Variants in SFTPB observed in about 807,000 individuals in gnomAD.
SFTPB encodes pulmonary surfactant-associated protein B.
Under a neutral mutation model 51.0 loss-of-function variants are expected in SFTPB, and 32 were observed. That is an observed-to-expected ratio of 0.63 (90% confidence interval 0.47 to 0.84). The LOEUF is 0.84. Among genes scored for constraint, SFTPB ranks in the 40% least tolerant of loss-of-function variants. SFTPB has a pLI of 0.00. For synonymous variants in SFTPB, 211 were observed against 208.5 expected, an observed-to-expected ratio of 1.01 and a Z score of -0.10; for missense variants, 431 against 491.2, an observed-to-expected ratio of 0.88 and a Z score of 1.16.
At position 85,665,333 on chromosome 2, in the gene SFTPB, G is replaced by A; in HGVS notation, c.628C>T (p.Leu210Phe). 1.2e-6 allele frequency: 2 copies of A among 1,614,098 alleles called. No homozygotes were observed. The highest frequency in any genetic ancestry group is 1.1e-5 in the South Asian group (1 of 91,078). ...QFPIPLPYCW[L>F]CRALIKRIQA... is the part of the protein sequence containing the mutation. ...ATCCGCTTGATCAGAGCCCTGCAGA[G>A]CCAGCAATAGGGGAGAGGAATGGGG... is the stretch of plus-strand genomic sequence containing the variant. The change falls in exon 6 of 11, where the codon CTC (leucine) becomes TTC (phenylalanine). Residue 210 changes from leucine to phenylalanine, a missense_variant. Leu to Phe is a conservative substitution (Grantham distance 22). Coordinates refer to ENST00000519937, the MANE Select transcript of SFTPB (RefSeq NM_000542.5).
intron 8 of SFTPB, among the ~76,000 whole-genome samples, chr2:85,662,614 G>A (rs1030502498): frequency 1.3e-5 from 2 of 152,200 alleles, no homozygotes; most frequent in African/African-American, 4.8e-5. Flanking sequence ...GCCAAGGCGG[G>A]CAGATCACTT....
intron 6 of SFTPB, among the ~76,000 whole-genome samples, chr2:85,664,053 A>C (rs1677455406): frequency 6.6e-6 from 1 of 152,128 alleles, no homozygotes; most frequent in South Asian, 2.1e-4. Context: ...TGTAGGAGCC[A>C]GCTTCAGACC....
chr2:85,663,419 CCGG>C lies in SFTPB; in HGVS notation c.926_928del (p.Ala309del), dbSNP rs1239530755. 1 of 1,613,928 alleles carries C rather than the reference CCGG, an allele frequency of 6.2e-7. No homozygotes were observed. The highest frequency in any genetic ancestry group is 2.2e-5 in the East Asian group (1 of 44,898). ...TGGTATGGCCTGCTCGCTGCTGTTC[CCGG>C]CCTGGGTGGTCACGGACATGCAGAG... On this transcript the variant is annotated inframe_deletion, in exon 8 of 11. Coordinates refer to ENST00000519937, the MANE Select transcript of SFTPB (RefSeq NM_000542.5).
Position 85,666,711 on chromosome 2 carries a change from C to T in SFTPB, c.299G>A (p.Cys100Tyr). 1 of 1,613,864 alleles carries T rather than the reference C, an allele frequency of 6.2e-7. No individual in the cohort carries two copies. The highest frequency in any genetic ancestry group is 8.5e-7 in the Non-Finnish European group (1 of 1,179,872). Residue 100 changes from cysteine (C) to tyrosine (Y), a missense_variant, in exon 4 of 11, where the codon TGC becomes TAC. Coordinates refer to ENST00000519937, the MANE Select transcript of SFTPB (RefSeq NM_000542.5). The stretch of plus-strand genomic sequence containing the variant: ...GAGCAGCTTCAAGGGGAGGACGTTG[C>T]ACTCCTGCTCCAGGAACTTCCTCAT... The part of the protein sequence containing the change: ...DTMRKFLEQE[C>Y]NVLPLKLLMP...
rs757055393 is a variant in SFTPB at position 85,663,328 on chromosome 2, C to T, written c.1002+18G>A. The T allele has an allele frequency of 2.5e-6, 4 of 1,608,498 alleles. No individual in the cohort carries two copies. The highest frequency in any genetic ancestry group is 1.7e-5 in the Admixed American group (1 of 60,024). ...TGAACGGGCCCTGACCATGAGTCCC[C>T]ATGTGCCCAGCCCATACCTTTTCCC... On this transcript the variant is annotated intron_variant, in intron 8 of 10. Transcript: ENST00000519937.
rs1208020762 is a variant in SFTPB at position 85,663,426 on chromosome 2, GGGTGGTCACGGACATGCAGA to G, written c.902_921del (p.Leu301ProfsTer89). On this transcript the variant is annotated frameshift_variant, in exon 8 of 11. Coordinates refer to ENST00000519937, the MANE Select transcript of SFTPB (RefSeq NM_000542.5). LOFTEE classifies it high-confidence loss of function. ...GCCTGCTCGCTGCTGTTCCCGGCCT[GGGTGGTCACGGACATGCAGA>G]GGTGGCACTCAGAGTCTCGCGGCAG... 1 of 1,613,898 alleles carries G rather than the reference GGGTGGTCACGGACATGCAGA, an allele frequency of 6.2e-7. No homozygotes were observed. The highest frequency in any genetic ancestry group is 8.5e-7 in the Non-Finnish European group (1 of 1,180,040).
upstream of SFTPB, chr2:85,668,259 A>G (rs1677760523): frequency 7.3e-7 from 1 of 1,374,012 alleles, no homozygotes; most frequent in South Asian, 1.2e-5. Flanking sequence ...GCTCTGTAGG[A>G]GTGGCAGCGA....
chr2:85,666,196 C>T (rs1677582967), intron 4 of SFTPB, among the ~76,000 whole-genome samples: 1 of 132,712 alleles, frequency 7.5e-6, no homozygotes, highest in Non-Finnish European at 1.6e-5. Flanking sequence ...GTGTGGCCAG[C>T]TGGGGTGCTG....
intron 8 of SFTPB, among the ~76,000 whole-genome samples, chr2:85,662,840 CAAA>C (rs34015129): frequency 2.9e-4 from 8 of 27,656 alleles, no homozygotes; most frequent in African/African-American, 4.9e-4. Context: ...AACTCCATCT[CAAA>C]AAAAAAAAAA....
At chr2:85,668,048 G>A in intron 1 of SFTPB, 69 bp downstream of exon 1, 6 of 1,340,102 alleles carry the variant, frequency 4.5e-6, no homozygotes, top group Non-Finnish European at 6.3e-6. Context: ...TTGGGTTAAT[G>A]CCTAGCACAA....
rs1020534120 is a variant in SFTPB at position 85,657,586 on chromosome 2, G to T, written c.*2116C>A. 6.6e-6 allele frequency: 1 copy of T among 152,198 alleles called. No individual in the cohort carries two copies. Among genetic ancestry groups the T allele is most frequent in the African/African-American group, 2.4e-5 (1 of 41,444 alleles). The allele number at this position is 152,198 out of a possible 1,614,324, so 9.4% of individuals were successfully genotyped here. A position where few individuals can be genotyped will look rare whatever the true frequency, so the allele number is the denominator to read the frequency against. On this transcript the variant is annotated 3_prime_UTR_variant, in exon 11 of 11. Transcript: ENST00000519937. ...GAAGATGGAAAAAGCCCCAAGCTCAGTGTCAAAACACACACCCTGCCGTAG... is the reference window on the plus strand; with the variant it reads ...GAAGATGGAAAAAGCCCCAAGCTCATTGTCAAAACACACACCCTGCCGTAG...
intron 10 of SFTPB, among the ~76,000 whole-genome samples, chr2:85,660,283 G>C (rs1406933284): frequency 7.2e-6 from 1 of 139,820 alleles, no homozygotes; most frequent in Non-Finnish European, 1.5e-5. Flanking sequence ...CACCACATCT[G>C]GCTAATTTTT....
chr2:85,661,515 G>A lies in SFTPB; in HGVS notation c.1104C>T (p.Thr368=), dbSNP rs1369034494. 6.2e-7 allele frequency: 1 copy of A among 1,611,962 alleles called. No homozygotes were observed. The highest frequency in any genetic ancestry group is 8.5e-7 in the Non-Finnish European group (1 of 1,179,238). Reference sequence around the variant, plus strand: ...GGATACACTGGAGAGGGCTGGACATGGTCCCACACACCCCGAGGGCCTGTC... The same window carrying A: ...GGATACACTGGAGAGGGCTGGACATAGTCCCACACACCCCGAGGGCCTGTC... The part of the protein sequence containing the change: ...TTCQALGVCG[T]MSSPLQCIHS... Residue 368 remains threonine (T), a synonymous_variant, in exon 10 of 11, where the codon ACC becomes ACT. Transcript: ENST00000519937.
chr2:85,660,518 C>T (rs1159570399), intron 10 of SFTPB, among the ~76,000 whole-genome samples: 1 of 140,692 alleles, frequency 7.1e-6, no homozygotes. Flanking sequence ...GGCACGATCT[C>T]GGCACACCGC....
At chr2:85,667,066 C>T in intron 3 of SFTPB, 40 bp downstream of exon 3, 25 of 1,540,540 alleles carry the variant, frequency 1.6e-5, no homozygotes, top group Non-Finnish European at 2.1e-5. Context: ...TCCCTCATCT[C>T]TTGGGCCCCA....
chr2:85,665,611 T>C lies in SFTPB; in HGVS notation c.577A>G (p.Thr193Ala). The C allele has an allele frequency of 6.2e-7, 1 of 1,613,460 alleles. No individual in the cohort carries two copies. Among genetic ancestry groups the C allele is most frequent in the Non-Finnish European group, 8.5e-7 (1 of 1,179,848 alleles). Reference sequence around the variant, plus strand: ...GCTGTGGGGGCCTCCCTCACCTGTGTGTGAGGCCCAGGCCTCGCCTGGAGG... The same window carrying C: ...GCTGTGGGGGCCTCCCTCACCTGTGCGTGAGGCCCAGGCCTCGCCTGGAGG... ...GALQARPGPH[T>A]QDLSEQQFPI... The change falls in exon 5 of 11, where the codon ACA becomes GCA. Residue 193 changes from threonine (T) to alanine (A), a missense_variant. By Grantham distance (58) the Thr-to-Ala change is moderately conservative. Coordinates refer to ENST00000519937, the MANE Select transcript of SFTPB (RefSeq NM_000542.5).
At chr2:85,664,291 G>A (rs758534327) in intron 6 of SFTPB, among the ~76,000 whole-genome samples, 7 of 152,094 alleles carry the variant, frequency 4.6e-5, no homozygotes, top group Admixed American at 1.3e-4. Context: ...ATTACAGAGG[G>A]CTGGTTGCTC....
chr2:85,661,224 G>A, intron 10 of SFTPB: 2 of 430,250 alleles, frequency 4.6e-6, no homozygotes, highest in Admixed American at 3.5e-5. Flanking sequence ...TGGGGGTTGG[G>A]CACTCAGTGA....
At chr2:85,666,333 G>A (rs142398711) in intron 4 of SFTPB, among the ~76,000 whole-genome samples, 1 of 139,252 alleles carries the variant, frequency 7.2e-6, no homozygotes, top group Non-Finnish European at 1.6e-5. Context: ...GGGGTACTGT[G>A]TGTGTGTATG....
Sources: gnomAD v4.1 joint callset for allele counts (sites outside exome capture counted in the v4.1 genomes callset) on GRCh38, gnomAD v4.1.1 for gene constraint, MANE v1.5 for transcripts, NCBI Gene and HGNC (gene_info 2026-07-23, HGNC 2026-07-21) for gene names.